The following CDH4 variants were observed in gnomAD, a reference collection of about 807,000 sequenced individuals.
CDH4 encodes the protein cadherin-4.
In CDH4, 33 loss-of-function variants were observed where a neutral mutation model predicts 86.0. That is an observed-to-expected ratio of 0.38 (90% CI 0.29 to 0.51). The LOEUF (loss-of-function observed/expected upper bound fraction) is 0.51. CDH4 is among the 20% of genes least tolerant of loss of function. The pLI, the probability that CDH4 is intolerant of heterozygous loss-of-function variation, is 0.86. For synonymous variants in CDH4, 555 were observed against 549.4 expected (o/e 1.01, Z -0.14); for missense variants, 1,114 against 1,307.4 (o/e 0.85, Z 2.28).
intron 2 of CDH4, among the ~76,000 whole-genome samples, chr20:61,388,705 T>C (rs1331775202): frequency 6.6e-6 from 1 of 152,232 alleles, no homozygotes; most frequent in Non-Finnish European, 1.5e-5. Flanking sequence ...AGCAGGGGGA[T>C]GCTGGCTACA....
At chr20:61,366,476 C>T (rs1486079719) in intron 2 of CDH4, among the ~76,000 whole-genome samples, 1 of 152,210 alleles carries the variant, frequency 6.6e-6, no homozygotes, top group Non-Finnish European at 1.5e-5. Flanking sequence ...TCAGGGGTCT[C>T]ACAGCCTTCA....
rs149287817 is a variant in CDH4 at position 61,278,796 on chromosome 20, A to C, written c.169+23859A>C. 3.9e-5 allele frequency among the ~76,000 whole-genome samples: 6 copies of C among 152,296 alleles called. 1 individual carries two copies. Among genetic ancestry groups the C allele is most frequent in the African/African-American group, 1.4e-4 (6 of 41,582 alleles). On this transcript the variant is annotated intron_variant, in intron 2 of 15. Coordinates refer to ENST00000614565, the MANE Select transcript of CDH4 (RefSeq NM_001794.5). ...CAGTCTGTGGGAGCCCAGTGGATAG[A>C]GGAAGAGCAGCCTCACAGCAGTCAG...
At chr20:61,577,824 G>A (rs1239482521) in intron 2 of CDH4, among the ~76,000 whole-genome samples, 1 of 152,166 alleles carries the variant, frequency 6.6e-6, no homozygotes, top group Non-Finnish European at 1.5e-5. Flanking sequence ...ACTATGTCTT[G>A]ACATAATGAA....
chr20:61,753,002 C>T (rs764727817), intron 3 of CDH4, among the ~76,000 whole-genome samples: 6 of 152,148 alleles, frequency 3.9e-5, no homozygotes, highest in Non-Finnish European at 7.3e-5. Context: ...TAGTCTATTA[C>T]TCACAATTTA....
rs188398970 is a variant in CDH4, at chr20:61,579,619, G to A, written c.170-163944G>A. Among the ~76,000 whole-genome samples the A allele has an allele frequency of 2.9e-4, 44 of 152,114 alleles. No individual in the cohort carries two copies. In the East Asian group the frequency reaches 7.6e-3, roughly 26 times the overall value. On this transcript the variant is annotated intron_variant, in intron 2 of 15. Coordinates refer to ENST00000614565, the MANE Select transcript of CDH4 (RefSeq NM_001794.5). ...AGATCTTAAAGTCTACCCTTTTAGC[G>A]ATTCCAGCCCCAGGTTGTGTTCCCT...
intron 2 of CDH4, among the ~76,000 whole-genome samples, chr20:61,634,115 G>A (rs139794821): frequency 1.5e-4 from 23 of 152,220 alleles, no homozygotes; most frequent in Admixed American, 2.6e-4. Context: ...ATCCAACTCA[G>A]TGGGTTGTTT....
intron 2 of CDH4, among the ~76,000 whole-genome samples, chr20:61,735,009 G>T (rs1430752305): frequency 6.6e-6 from 1 of 152,170 alleles, no homozygotes; most frequent in Non-Finnish European, 1.5e-5. Context: ...CCTCCCTGTG[G>T]CCCCTCCCGG....
chr20:61,328,256 A>T (rs1165770516), intron 2 of CDH4, among the ~76,000 whole-genome samples: 1 of 151,964 alleles, frequency 6.6e-6, no homozygotes, highest in Non-Finnish European at 1.5e-5. Context: ...GCTCACTGCA[A>T]CCTCCACCTC....
chr20:61,477,687 C>G (rs2085546715), intron 2 of CDH4, among the ~76,000 whole-genome samples: 1 of 152,238 alleles, frequency 6.6e-6, no homozygotes, highest in Non-Finnish European at 1.5e-5. Flanking sequence ...GAGCCCATTC[C>G]TGGGGCAGCT....
chr20:61,378,717 A>C (rs1438657059), intron 2 of CDH4, among the ~76,000 whole-genome samples: 1 of 152,238 alleles, frequency 6.6e-6, no homozygotes, highest in Non-Finnish European at 1.5e-5. Flanking sequence ...AGGGATTGAC[A>C]AGGATGTATT....
chr20:61,600,243 G>A (rs2086589473), intron 2 of CDH4, among the ~76,000 whole-genome samples: 1 of 152,216 alleles, frequency 6.6e-6, no homozygotes, highest in Admixed American at 6.5e-5. Context: ...GGAGACAGAG[G>A]GTGTCGGGGT....
At position 61,807,691 on chromosome 20, in the gene CDH4, G is replaced by A. The variant is rs1434271634; in HGVS notation, c.576+34509G>A. On this transcript the variant is annotated intron_variant, in intron 4 of 15. Transcript: ENST00000614565. The surrounding 1 kb of genome is among the most constrained non-coding windows in gnomAD (Gnocchi z 4.5). The stretch of plus-strand genomic sequence containing the variant: ...GAGAACAGCTGGGGAACTGTGGACG[G>A]CTCTTCAGACTCAAACGGTGTGATG... Among the ~76,000 whole-genome samples the A allele has an allele frequency of 6.6e-6, 1 of 152,160 alleles. No individual in the cohort carries two copies. Among genetic ancestry groups the A allele is most frequent in the Non-Finnish European group, 1.5e-5 (1 of 68,026 alleles).
chr20:61,513,817 C>G lies in CDH4; in HGVS notation c.170-229746C>G, dbSNP rs144945248. Among the ~76,000 whole-genome samples the G allele has an allele frequency of 5.3e-5, 8 of 152,320 alleles. No individual in the cohort carries two copies. The South Asian group carries it at 1.7e-3, about 32-fold the overall frequency. On this transcript the variant is annotated intron_variant, in intron 2 of 15. Transcript: ENST00000614565. ...CACTGGACACCTGTCCCAGGCACCA[C>G]GGGCCTGGCATCTGAGCCCCACAGC...
intron 2 of CDH4, among the ~76,000 whole-genome samples, chr20:61,302,205 C>G (rs1358120077): frequency 6.6e-6 from 1 of 152,168 alleles, no homozygotes; most frequent in Non-Finnish European, 1.5e-5. Flanking sequence ...GAGCCCTCAC[C>G]ACAGGGCCGG....
intron 7 of CDH4, among the ~76,000 whole-genome samples, chr20:61,876,356 T>G (rs1453519036): frequency 6.6e-6 from 1 of 152,242 alleles, no homozygotes; most frequent in Non-Finnish European, 1.5e-5. Context: ...TGCAGGGGCA[T>G]GGCTGGCTGC....
At chr20:61,688,802 A>G (rs947599997) in intron 2 of CDH4, among the ~76,000 whole-genome samples, 2 of 152,256 alleles carry the variant, frequency 1.3e-5, no homozygotes, top group African/African-American at 4.8e-5. Flanking sequence ...TGATAACACA[A>G]GTAACATAAT....
In CDH4 at chr20:61,510,551, G is replaced by T. The variant is rs1445765598; in HGVS notation, c.170-233012G>T. 6.6e-6 allele frequency among the ~76,000 whole-genome samples: 1 copy of T among 152,178 alleles called. No individual in the cohort carries two copies. The highest frequency in any genetic ancestry group is 1.5e-5 in the Non-Finnish European group (1 of 68,042). On this transcript the variant is annotated intron_variant, in intron 2 of 15. Coordinates refer to ENST00000614565, the MANE Select transcript of CDH4 (RefSeq NM_001794.5). This position sits in a 1 kb window ranked among gnomAD's most constrained non-coding sequence, Gnocchi z 4.2. ...ACCACTGTCTACTGCCCCAGGAATG[G>T]CCCACGGGTGTCGGGGGTGATGACC...
intron 2 of CDH4, among the ~76,000 whole-genome samples, chr20:61,652,938 A>ATTTTTTTTTTTTTTTTTTTTTTTTT (rs763918382): frequency 1.8e-4 from 18 of 97,426 alleles, no homozygotes; most frequent in East Asian, 2.4e-4. Context: ...TTATTTATTT[A>ATTTTTTTTTTTTTTTTTTTTTTTTT]TTTTTTTTTT....
intron 2 of CDH4, among the ~76,000 whole-genome samples, chr20:61,600,582 C>T (rs1168427115): frequency 1.3e-5 from 2 of 152,182 alleles, no homozygotes; most frequent in East Asian, 3.9e-4. Context: ...CCAGGAAGCA[C>T]TCAGCCAGCC....
Sources: gnomAD v4.1 joint callset for allele counts (sites outside exome capture counted in the v4.1 genomes callset) on GRCh38, gnomAD v4.1.1 for gene constraint, Gnocchi (gnomAD v3.1) non-coding constraint, MANE v1.5 for transcripts, NCBI Gene and HGNC (gene_info 2026-07-23, HGNC 2026-07-21) for gene names.